The following CNTNAP2 variants were observed in gnomAD, a reference collection of about 807,000 sequenced individuals.
The protein encoded by CNTNAP2 is contactin-associated protein-like 2.
A neutral mutation model predicts 155.2 loss-of-function variants in CNTNAP2; 98 were observed. The ratio of observed to expected loss-of-function variants is 0.63; its 90% CI spans 0.54 to 0.75. CNTNAP2 has a LOEUF of 0.75. Ranked by LOEUF, CNTNAP2 falls within the 30% of genes least tolerant of loss-of-function variation. CNTNAP2 has a pLI of 0.00. For synonymous variants in CNTNAP2, 651 were observed against 631.2 expected (o/e 1.03, Z -0.47); for missense variants, 1,727 against 1,688.1 (o/e 1.02, Z -0.40).
rs1004124046 is a variant in CNTNAP2, at chr7:147,556,996, C to T, written c.1778-5142C>T. ...GGCACAGTGGCTCACACCTGTAATCCCAGCACTTTGGGAGGCTGAGGCAGG... is the reference window on the plus strand; with the variant it reads ...GGCACAGTGGCTCACACCTGTAATCTCAGCACTTTGGGAGGCTGAGGCAGG... On this transcript the variant is annotated intron_variant, in intron 11 of 23. Transcript: ENST00000361727. Among the ~76,000 whole-genome samples the T allele has an allele frequency of 7.9e-5, 12 of 151,924 alleles. 1 individual carries two copies. Among genetic ancestry groups the T allele is most frequent in the African/African-American group, 2.2e-4 (9 of 41,354 alleles).
chr7:147,035,483 C>T (rs1267391100), intron 3 of CNTNAP2, among the ~76,000 whole-genome samples: 1 of 152,170 alleles, frequency 6.6e-6, no homozygotes, highest in Non-Finnish European at 1.5e-5. Context: ...GTAATGATCA[C>T]AGGTTTAGTA....
intron 13 of CNTNAP2, among the ~76,000 whole-genome samples, chr7:147,723,915 C>A (rs1481772217): frequency 6.6e-6 from 1 of 151,880 alleles, no homozygotes; most frequent in Non-Finnish European, 1.5e-5. Context: ...TTTAGGAATT[C>A]TTTGTATAGT....
intron 8 of CNTNAP2, among the ~76,000 whole-genome samples, chr7:147,203,652 G>A (rs756558594): frequency 6.6e-6 from 1 of 152,128 alleles, no homozygotes; most frequent in African/African-American, 2.4e-5. Flanking sequence ...TATTATTAAA[G>A]TAAATACCTT....
At chr7:146,618,845 G>A (rs192213564) in intron 1 of CNTNAP2, among the ~76,000 whole-genome samples, 3 of 152,130 alleles carry the variant, frequency 2.0e-5, no homozygotes, top group Admixed American at 6.5e-5. Flanking sequence ...CGAGACAGGC[G>A]GATAACCTGA....
At chr7:147,482,953 G>A (rs1298702493) in intron 10 of CNTNAP2, among the ~76,000 whole-genome samples, 1 of 151,222 alleles carries the variant, frequency 6.6e-6, no homozygotes, top group East Asian at 2.0e-4. Context: ...GGCTGAGGCA[G>A]GGGAATCATT....
chr7:147,836,280 T>A (rs1294946434), intron 13 of CNTNAP2, among the ~76,000 whole-genome samples: 1 of 152,132 alleles, frequency 6.6e-6, no homozygotes, highest in African/African-American at 2.4e-5. Flanking sequence ...AAAGACTCTG[T>A]CAACATTTAA....
chr7:146,826,857 T>TATATAGAGAGAGAGAG, intron 2 of CNTNAP2, among the ~76,000 whole-genome samples: 1 of 138,976 alleles, frequency 7.2e-6, no homozygotes, highest in African/African-American at 2.7e-5. Context: ...TATATATATA[T>TATATAGAGAGAGAGAG]AGAGAGAGAG....
At chr7:147,904,202 G>A (rs1215091562) in intron 14 of CNTNAP2, among the ~76,000 whole-genome samples, 1 of 152,140 alleles carries the variant, frequency 6.6e-6, no homozygotes, top group African/African-American at 2.4e-5. Flanking sequence ...ATCATTCTTT[G>A]CTCTTGTCTT....
rs1020586367 is a variant in CNTNAP2, at chr7:146,860,991, T to C, written c.402+21087T>C. Among the ~76,000 whole-genome samples, 5 of 152,286 alleles carry C rather than the reference T, an allele frequency of 3.3e-5. No homozygotes were observed. The East Asian group carries it at 5.8e-4, about 18-fold the overall frequency. On this transcript the variant is annotated intron_variant, in intron 3 of 23. Coordinates refer to ENST00000361727, the MANE Select transcript of CNTNAP2 (RefSeq NM_014141.6). ...GGTAAAATTATAGGCTAGAATTTTT[T>C]TCTTGTTGTTTGCTTCTTTTCACAT...
chr7:147,385,365 G>A (rs890806939), intron 9 of CNTNAP2, among the ~76,000 whole-genome samples: 3 of 152,080 alleles, frequency 2.0e-5, no homozygotes, highest in Non-Finnish European at 2.9e-5. Flanking sequence ...TAACTCAAAA[G>A]TCCATAGTCC....
chr7:148,296,954 C>T (rs999405668), intron 21 of CNTNAP2, among the ~76,000 whole-genome samples: 1 of 152,162 alleles, frequency 6.6e-6, no homozygotes, highest in African/African-American at 2.4e-5. Flanking sequence ...AACTGACTTA[C>T]CTGGCTTATG....
intron 3 of CNTNAP2, among the ~76,000 whole-genome samples, chr7:146,862,400 A>G (rs1795120038): frequency 6.6e-6 from 1 of 152,098 alleles, no homozygotes; most frequent in Non-Finnish European, 1.5e-5. Flanking sequence ...TCCTGAATAA[A>G]TAGTGATAAA....
At chr7:147,879,786 G>T (rs1194107107) in intron 13 of CNTNAP2, among the ~76,000 whole-genome samples, 1 of 152,162 alleles carries the variant, frequency 6.6e-6, no homozygotes, top group African/African-American at 2.4e-5. Flanking sequence ...AAAATGCTTT[G>T]CCCACTTTTA....
At chr7:148,011,799 A>G (rs1802087004) in intron 15 of CNTNAP2, among the ~76,000 whole-genome samples, 1 of 152,210 alleles carries the variant, frequency 6.6e-6, no homozygotes, top group African/African-American at 2.4e-5. Flanking sequence ...TCAGGAGAAT[A>G]GCTCTTCCTT....
At chr7:146,879,542 T>C (rs1334780237) in intron 3 of CNTNAP2, among the ~76,000 whole-genome samples, 2 of 152,034 alleles carry the variant, frequency 1.3e-5, no homozygotes, top group Non-Finnish European at 2.9e-5. Flanking sequence ...ATGAGTGTTT[T>C]ACAGGAATTA....
At chr7:148,170,446 A>G (rs1805765698) in intron 17 of CNTNAP2, among the ~76,000 whole-genome samples, 1 of 152,238 alleles carries the variant, frequency 6.6e-6, no homozygotes, top group African/African-American at 2.4e-5. Flanking sequence ...AAAGGCCCTC[A>G]TTCTCTTCAG....
chr7:146,839,938 T>C (rs1803688429), intron 3 of CNTNAP2, 34 bp downstream of exon 3: 1 of 1,609,212 alleles, frequency 6.2e-7, no homozygotes. Context: ...AGACACAGAA[T>C]TGGATTGGAA....
At chr7:147,695,101 A>G (rs935596752) in intron 13 of CNTNAP2, among the ~76,000 whole-genome samples, 7 of 152,204 alleles carry the variant, frequency 4.6e-5, no homozygotes, top group Non-Finnish European at 7.3e-5. Flanking sequence ...TAAATAACAC[A>G]TATCTTCTTT....
intron 1 of CNTNAP2, among the ~76,000 whole-genome samples, chr7:146,453,998 T>C (rs1043886956): frequency 2.6e-5 from 4 of 152,078 alleles, no homozygotes; most frequent in Admixed American, 1.3e-4. Context: ...CGATGAAAAC[T>C]ATCAATTAAA....
Sources: gnomAD v4.1 joint callset for allele counts (sites outside exome capture counted in the v4.1 genomes callset) on GRCh38, gnomAD v4.1.1 for gene constraint, MANE v1.5 for transcripts, NCBI Gene and HGNC (gene_info 2026-07-23, HGNC 2026-07-21) for gene names.